Variants in FAM193A observed in about 807,000 individuals in gnomAD.
FAM193A encodes the protein family with sequence similarity 193 member A.
Under a neutral mutation model 126.5 loss-of-function variants are expected in FAM193A, and 22 were observed. The observed-to-expected ratio is 0.17, with a 90% CI of 0.12 to 0.25. The LOEUF (loss-of-function observed/expected upper bound fraction) is 0.25. FAM193A is among the 10% of genes least tolerant of loss of function. The pLI is 1.00. For synonymous variants in FAM193A, 761 were observed against 646.8 expected (o/e 1.18, Z -2.68); for missense variants, 1,675 against 1,672.8 (o/e 1.00, Z -0.02).
chr4:2,699,940 T>C lies in FAM193A; in HGVS notation c.3768T>C (p.Ser1256=). 6.2e-7 allele frequency: 1 copy of C among 1,614,028 alleles called. No homozygotes were observed. The highest frequency in any genetic ancestry group is 8.5e-7 in the Non-Finnish European group (1 of 1,180,018). The change falls in exon 19 of 21, where the codon TCT becomes TCC. Residue 1256 remains serine (S), a synonymous_variant. Transcript: ENST00000637812. ...CAGCAACAGAGTCTGTTCCTAACTC[T>C]GGAAACATCCACAATGGCTCACTAG... ...FQAATESVPN[S]GNIHNGSLEQ...
intron 12 of FAM193A, among the ~76,000 whole-genome samples, chr4:2,664,393 G>A (rs2879791): frequency 0.03 from 4,508 of 152,052 alleles, 247 homozygotes; most frequent in African/African-American, 0.1. Context: ...TCAATGGACT[G>A]TAAATGTAAG....
At chr4:2,617,492 C>T (rs1250617670) in intron 2 of FAM193A, among the ~76,000 whole-genome samples, 1 of 150,960 alleles carries the variant, frequency 6.6e-6, no homozygotes, top group Non-Finnish European at 1.5e-5. Context: ...TCTCGATCTC[C>T]TGACCTCGTG....
chr4:2,694,201 G>C (rs1716769474), intron 16 of FAM193A, among the ~76,000 whole-genome samples: 1 of 152,078 alleles, frequency 6.6e-6, no homozygotes, highest in South Asian at 2.1e-4. Context: ...GGAATCAGAG[G>C]AAAATGAATG....
At chr4:2,579,206 A>G (rs774216776) in intron 1 of FAM193A, among the ~76,000 whole-genome samples, 2 of 151,606 alleles carry the variant, frequency 1.3e-5, no homozygotes, top group South Asian at 2.1e-4. Context: ...CCTTCAAATG[A>G]TATCATGGCT....
At chr4:2,712,804 T>A (rs913305605) in intron 19 of FAM193A, among the ~76,000 whole-genome samples, 1 of 150,406 alleles carries the variant, frequency 6.6e-6, no homozygotes, top group Admixed American at 6.6e-5. Flanking sequence ...CTTTTTTATT[T>A]AAAAAAAAAA....
intron 1 of FAM193A, among the ~76,000 whole-genome samples, chr4:2,591,920 C>G (rs1226329695): frequency 6.6e-6 from 1 of 152,118 alleles, no homozygotes; most frequent in African/African-American, 2.4e-5. Flanking sequence ...AAAGTGTTTT[C>G]AGCAATACTG....
chr4:2,580,264 C>T (rs998612477), intron 1 of FAM193A, among the ~76,000 whole-genome samples: 4 of 152,062 alleles, frequency 2.6e-5, no homozygotes, highest in Non-Finnish European at 5.9e-5. Context: ...CGCATATTCT[C>T]GCTTATAGCC....
intron 8 of FAM193A, among the ~76,000 whole-genome samples, chr4:2,658,700 T>A (rs532131443): frequency 2.2e-4 from 34 of 152,306 alleles, no homozygotes; most frequent in African/African-American, 7.7e-4. Context: ...ACCAGTGTTG[T>A]GGCATGCTTA....
chr4:2,552,842 A>G (rs1738020323), intron 1 of FAM193A, among the ~76,000 whole-genome samples: 1 of 135,098 alleles, frequency 7.4e-6, no homozygotes, highest in Non-Finnish European at 1.5e-5. Flanking sequence ...CGGCCACAGA[A>G]CTTTCTTTTT....
At chr4:2,550,881 A>G (rs1314573386) in intron 1 of FAM193A, among the ~76,000 whole-genome samples, 2 of 150,908 alleles carry the variant, frequency 1.3e-5, no homozygotes, top group African/African-American at 4.9e-5. Flanking sequence ...GCTCACTGCA[A>G]GCTCTGCCTC....
At chr4:2,602,353 C>CTTTTT (rs35168097) in intron 2 of FAM193A, among the ~76,000 whole-genome samples, 6 of 128,552 alleles carry the variant, frequency 4.7e-5, no homozygotes, top group Non-Finnish European at 8.3e-5. Flanking sequence ...ATGTTCTGTT[C>CTTTTT]TTTTTTTTTT....
chr4:2,705,073 G>A (rs7677424), intron 19 of FAM193A, among the ~76,000 whole-genome samples: 1 of 152,032 alleles, frequency 6.6e-6, no homozygotes, highest in Non-Finnish European at 1.5e-5. Context: ...TACCACGCCC[G>A]GCTAATTTTT....
At chr4:2,621,519 T>C (rs1482438345) in intron 2 of FAM193A, among the ~76,000 whole-genome samples, 1 of 152,142 alleles carries the variant, frequency 6.6e-6, no homozygotes, top group East Asian at 1.9e-4. Flanking sequence ...AGAAATACGG[T>C]GTTTGCTCCT....
intron 13 of FAM193A, among the ~76,000 whole-genome samples, chr4:2,673,940 C>T (rs1004181608): frequency 6.6e-6 from 1 of 152,116 alleles, no homozygotes; most frequent in African/African-American, 2.4e-5. Flanking sequence ...GTTTTAGGAG[C>T]ATCATTTGTA....
At chr4:2,574,411 C>A (rs1739465489) in intron 1 of FAM193A, among the ~76,000 whole-genome samples, 1 of 152,148 alleles carries the variant, frequency 6.6e-6, no homozygotes, top group African/African-American at 2.4e-5. Flanking sequence ...CTGCAGATGC[C>A]ACCATACATA....
intron 1 of FAM193A, among the ~76,000 whole-genome samples, chr4:2,546,335 A>T (rs968612320): frequency 6.6e-6 from 1 of 152,124 alleles, no homozygotes; most frequent in Non-Finnish European, 1.5e-5. Flanking sequence ...GAATTTTAAC[A>T]ACTGTAGATT....
chr4:2,567,338 G>C (rs1221811509), intron 1 of FAM193A, among the ~76,000 whole-genome samples: 1 of 152,116 alleles, frequency 6.6e-6, no homozygotes, highest in Non-Finnish European at 1.5e-5. Flanking sequence ...TCATAATTTA[G>C]CAAGTGCAGC....
chr4:2,722,074 C>A (rs370950854), intron 20 of FAM193A, among the ~76,000 whole-genome samples: 18 of 152,308 alleles, frequency 1.2e-4, no homozygotes, highest in African/African-American at 3.6e-4. Context: ...CTATGGTGAA[C>A]TAATTACTCC....
At chr4:2,560,289 C>T (rs897006395) in intron 1 of FAM193A, among the ~76,000 whole-genome samples, 3 of 152,098 alleles carry the variant, frequency 2.0e-5, no homozygotes, top group Middle Eastern at 3.2e-3. Context: ...TTGCCTGATT[C>T]GCCCCTTTCT....
Sources: allele counts gnomAD v4.1 joint callset (sites outside exome capture counted in the v4.1 genomes callset), GRCh38; gene constraint gnomAD v4.1.1; transcripts MANE v1.5; gene names NCBI Gene and HGNC (gene_info 2026-07-23, HGNC 2026-07-21).